The following ZDHHC14 variants were observed in gnomAD, a reference collection of about 807,000 sequenced individuals.
ZDHHC14 encodes the protein palmitoyltransferase ZDHHC14.
ZDHHC14 carries 16 observed loss-of-function variants against 47.7 expected under a neutral mutation model. That is an observed-to-expected ratio of 0.34 (90% CI 0.23 to 0.51). ZDHHC14 has a LOEUF of 0.51. Among genes scored for constraint, ZDHHC14 ranks in the 20% least tolerant of loss-of-function variants. The pLI is 0.97. For synonymous variants in ZDHHC14, 293 were observed against 278.9 expected (o/e 1.05, Z -0.50); for missense variants, 515 against 662.5 (o/e 0.78, Z 2.44).
At chr6:157,533,365 G>T (rs940452062) in intron 1 of ZDHHC14, among the ~76,000 whole-genome samples, 1 of 152,172 alleles carries the variant, frequency 6.6e-6, no homozygotes, top group Non-Finnish European at 1.5e-5. Context: ...AAGGGGTTGG[G>T]GTTGGTGGAG....
chr6:157,578,205 C>A (rs534810495), intron 2 of ZDHHC14, among the ~76,000 whole-genome samples: 2 of 152,322 alleles, frequency 1.3e-5, no homozygotes, highest in South Asian at 4.1e-4. Context: ...AATTAGGTCT[C>A]ATTTGTCAAT....
chr6:157,407,875 A>T (rs1442537291), intron 1 of ZDHHC14, among the ~76,000 whole-genome samples: 1 of 152,202 alleles, frequency 6.6e-6, no homozygotes, highest in Non-Finnish European at 1.5e-5. Flanking sequence ...GGCTAAGTAA[A>T]CTTACCATGA....
intron 1 of ZDHHC14, among the ~76,000 whole-genome samples, chr6:157,447,685 C>T (rs918285962): frequency 1.3e-5 from 2 of 152,118 alleles, no homozygotes; most frequent in Non-Finnish European, 2.9e-5. Flanking sequence ...CAGGTTGTCA[C>T]GAAGTGTGTT....
At chr6:157,558,425 C>A (rs1001529070) in intron 2 of ZDHHC14, among the ~76,000 whole-genome samples, 2 of 152,130 alleles carry the variant, frequency 1.3e-5, no homozygotes, top group East Asian at 3.8e-4. Context: ...ACAGGTAGGC[C>A]GTTCAGTGAC....
chr6:157,424,481 A>G (rs1778176183), intron 1 of ZDHHC14, among the ~76,000 whole-genome samples: 1 of 152,156 alleles, frequency 6.6e-6, no homozygotes, highest in South Asian at 2.1e-4. Context: ...GGAGAGAACA[A>G]GTGTCTTTCT....
chr6:157,662,642 A>G (rs1389859560), intron 8 of ZDHHC14, among the ~76,000 whole-genome samples: 1 of 152,258 alleles, frequency 6.6e-6, no homozygotes, highest in African/African-American at 2.4e-5. Context: ...TCCACCCTGG[A>G]TGTAAAACTA....
At chr6:157,662,305 C>G (rs2115004021) in intron 8 of ZDHHC14, among the ~76,000 whole-genome samples, 1 of 152,304 alleles carries the variant, frequency 6.6e-6, no homozygotes, top group Admixed American at 6.5e-5. Flanking sequence ...CCTCAGACCC[C>G]CACATGGCTG....
At chr6:157,471,623 G>A (rs1305337650) in intron 1 of ZDHHC14, among the ~76,000 whole-genome samples, 1 of 152,234 alleles carries the variant, frequency 6.6e-6, no homozygotes, top group Non-Finnish European at 1.5e-5. Context: ...GAAAATGGCT[G>A]CCTTTGTAAG....
chr6:157,541,587 T>C (rs566926368), intron 1 of ZDHHC14, among the ~76,000 whole-genome samples: 1 of 152,320 alleles, frequency 6.6e-6, no homozygotes, highest in East Asian at 1.9e-4. Context: ...CCAGATGTCC[T>C]AATTCCGTGA....
At chr6:157,503,977 A>G (rs774561958) in intron 1 of ZDHHC14, among the ~76,000 whole-genome samples, 3 of 152,214 alleles carry the variant, frequency 2.0e-5, no homozygotes, top group Non-Finnish European at 4.4e-5. Context: ...TTGTAAGTAT[A>G]TATACTAGAA....
chr6:157,584,976 G>A (rs998981680), intron 2 of ZDHHC14, among the ~76,000 whole-genome samples: 6 of 152,082 alleles, frequency 3.9e-5, no homozygotes, highest in African/African-American at 1.4e-4. Flanking sequence ...AGGCCGAGGC[G>A]GGTGGATCAC....
intron 1 of ZDHHC14, among the ~76,000 whole-genome samples, chr6:157,415,873 C>CA (rs754707638): frequency 0.066 from 7,371 of 111,654 alleles, 304 homozygotes; most frequent in African/African-American, 0.15. Flanking sequence ...GACTTTGTCT[C>CA]AAAAAAAAAA....
intron 1 of ZDHHC14, among the ~76,000 whole-genome samples, chr6:157,528,032 C>T (rs1781220281): frequency 6.6e-6 from 1 of 152,164 alleles, no homozygotes; most frequent in Non-Finnish European, 1.5e-5. Context: ...TCACACCTTC[C>T]AAGCCTTCCA....
rs770434191 is a variant in ZDHHC14 at position 157,674,691 on chromosome 6, A to T, written c.*1569A>T. On this transcript the variant is annotated 3_prime_UTR_variant, in exon 9 of 9. Coordinates refer to ENST00000359775, the MANE Select transcript of ZDHHC14 (RefSeq NM_024630.3). ...AAAAAGGCTATTACTCCTGAGAAAG[A>T]GTTGCCATTTTATATAAAAGAAAAG... 1.3e-5 allele frequency: 2 copies of T among 152,256 alleles called. No individual in the cohort carries two copies. The highest frequency in any genetic ancestry group is 2.9e-5 in the Non-Finnish European group (2 of 68,046). The allele number at this position is 152,256 out of a possible 1,614,324, so 9.4% of individuals were successfully genotyped here.
rs77744572 is a variant in ZDHHC14 at position 157,664,187 on chromosome 6, G to A, written c.1069-8537G>A. Among the ~76,000 whole-genome samples the A allele has an allele frequency of 8.9e-3, 1,356 of 152,238 alleles. 7 individuals carry two copies. The highest frequency in any genetic ancestry group is 0.013 in the Non-Finnish European group (886 of 68,010). ...ATCTCTCTCTCAGCTCTTCAGACTG[G>A]ATAATTTCTTTGGATCTCTCTTCAT... On this transcript the variant is annotated intron_variant, in intron 8 of 8. Coordinates refer to ENST00000359775, the MANE Select transcript of ZDHHC14 (RefSeq NM_024630.3).
At chr6:157,568,335 A>G (rs1306164855) in intron 2 of ZDHHC14, among the ~76,000 whole-genome samples, 1 of 152,214 alleles carries the variant, frequency 6.6e-6, no homozygotes, top group African/African-American at 2.4e-5. Context: ...TAATTCTACC[A>G]AAGATATAAT....
chr6:157,639,025 A>C (rs1472259713), intron 5 of ZDHHC14, among the ~76,000 whole-genome samples: 3 of 152,258 alleles, frequency 2.0e-5, no homozygotes, highest in African/African-American at 7.2e-5. Flanking sequence ...CGCACTCCAC[A>C]TTGGGCAGGG....
At chr6:157,433,931 G>T (rs370354892) in intron 1 of ZDHHC14, among the ~76,000 whole-genome samples, 3 of 152,276 alleles carry the variant, frequency 2.0e-5, no homozygotes, top group Admixed American at 6.5e-5. Context: ...GAACAAGAGA[G>T]CCACCCTCCA....
At chr6:157,551,444 GCC>G (rs1164156150) in intron 2 of ZDHHC14, among the ~76,000 whole-genome samples, 4 of 152,174 alleles carry the variant, frequency 2.6e-5, no homozygotes, top group Non-Finnish European at 5.9e-5. Context: ...GGTATATATA[GCC>G]CTCCTTTAAC....
Sources: allele counts gnomAD v4.1 joint callset (sites outside exome capture counted in the v4.1 genomes callset), GRCh38; gene constraint gnomAD v4.1.1; transcripts MANE v1.5; gene names NCBI Gene and HGNC (gene_info 2026-07-23, HGNC 2026-07-21).